CPEB3: variants seen among roughly 807,000 people sequenced by gnomAD.
The protein encoded by CPEB3 is cytoplasmic polyadenylation element-binding protein 3.
CPEB3 carries 20 observed loss-of-function variants against 67.2 expected under a neutral mutation model. The observed-to-expected ratio is 0.30, with a 90% confidence interval of 0.21 to 0.43. CPEB3 has a LOEUF of 0.43. Ranked by LOEUF, CPEB3 falls within the 20% of genes least tolerant of loss-of-function variation. CPEB3 has a pLI of 1.00. For synonymous variants in CPEB3, 376 were observed against 393.1 expected (o/e 0.96, Z 0.51); for missense variants, 746 against 968.6 (o/e 0.77, Z 3.05).
At chr10:92,127,333 G>A (rs1413522304) in intron 6 of CPEB3, among the ~76,000 whole-genome samples, 2 of 152,088 alleles carry the variant, frequency 1.3e-5, no homozygotes, top group Non-Finnish European at 2.9e-5. Context: ...AGAGGATACA[G>A]GGGCTAGACA....
chr10:92,281,285 C>T (rs1366627638), intron 1 of CPEB3, among the ~76,000 whole-genome samples: 1 of 151,270 alleles, frequency 6.6e-6, no homozygotes, highest in Non-Finnish European at 1.5e-5. Flanking sequence ...GGTAGAGACA[C>T]AATCTCTCTA....
intron 4 of CPEB3, among the ~76,000 whole-genome samples, chr10:92,168,782 C>G (rs911564567): frequency 1.9e-4 from 28 of 150,392 alleles, no homozygotes; most frequent in Non-Finnish European, 4.0e-4. Flanking sequence ...GTCAATTAAA[C>G]CTCTTGCCCT....
intron 6 of CPEB3, among the ~76,000 whole-genome samples, chr10:92,131,644 A>G (rs1220473582): frequency 6.6e-6 from 1 of 152,178 alleles, no homozygotes; most frequent in Non-Finnish European, 1.5e-5. Context: ...CATTTGACAC[A>G]ATAGAGGGAA....
chr10:92,157,826 C>T (rs1265299521), intron 4 of CPEB3, among the ~76,000 whole-genome samples: 28 of 151,960 alleles, frequency 1.8e-4, no homozygotes, highest in Admixed American at 1.8e-3. Flanking sequence ...ATAGTCTTTG[C>T]TATATCTTTT....
intron 2 of CPEB3, among the ~76,000 whole-genome samples, chr10:92,221,385 C>G (rs781601745): frequency 6.6e-6 from 1 of 152,058 alleles, no homozygotes; most frequent in Non-Finnish European, 1.5e-5. Context: ...CCCAGCTACT[C>G]GGGAGGCTGA....
chr10:92,266,103 G>C (rs981306049), intron 1 of CPEB3, among the ~76,000 whole-genome samples: 11 of 152,124 alleles, frequency 7.2e-5, no homozygotes, highest in African/African-American at 2.7e-4. Context: ...CCAGCAAGAA[G>C]GGCCTCAACA....
chr10:92,210,898 G>C (rs1404559515), intron 2 of CPEB3, among the ~76,000 whole-genome samples: 2 of 152,114 alleles, frequency 1.3e-5, no homozygotes, highest in East Asian at 3.9e-4. Flanking sequence ...TTAGCCAGGC[G>C]TGGTGGCACA....
intron 2 of CPEB3, among the ~76,000 whole-genome samples, chr10:92,194,834 G>T (rs944476178): frequency 6.6e-6 from 1 of 152,040 alleles, no homozygotes; most frequent in African/African-American, 2.4e-5. Context: ...GAGGTCAGGA[G>T]ATCGAGACCA....
intron 4 of CPEB3, among the ~76,000 whole-genome samples, chr10:92,170,631 AG>A (rs984865345): frequency 1.4e-4 from 22 of 152,184 alleles, no homozygotes; most frequent in African/African-American, 5.3e-4. Context: ...AAAAGAAGGA[AG>A]GAAAAAAAGA....
intron 3 of CPEB3, among the ~76,000 whole-genome samples, chr10:92,188,299 A>T (rs545959362): frequency 5.2e-4 from 79 of 150,662 alleles, no homozygotes; most frequent in African/African-American, 1.8e-3. Context: ...AAACGAAAAG[A>T]AAAGTATATG....
intron 6 of CPEB3, among the ~76,000 whole-genome samples, chr10:92,140,310 G>C (rs182779470): frequency 5.3e-4 from 81 of 152,156 alleles, no homozygotes; most frequent in African/African-American, 1.7e-3. Context: ...CAGAACAGAG[G>C]CCTCAGAAAT....
In CPEB3 at chr10:92,121,361, A is replaced by AT. The variant is rs1491104558; in HGVS notation, c.1454-10168_1454-10167insA. Reference sequence around the variant, plus strand: ...GAAATACACACACATATATATATATAAAATATATTTTATATATAATATATT... The same window carrying AT: ...GAAATACACACACATATATATATATATAAATATATTTTATATATAATATATT... On this transcript the variant is annotated intron_variant, in intron 6 of 9. Transcript: ENST00000265997. 1.9e-3 allele frequency among the ~76,000 whole-genome samples: 282 copies of AT among 145,874 alleles called. 1 individual carries two copies. Among genetic ancestry groups the AT allele is most frequent in the African/African-American group, 6.2e-3 (249 of 39,898 alleles).
intron 8 of CPEB3, among the ~76,000 whole-genome samples, chr10:92,084,248 T>C (rs1184580173): frequency 1.3e-5 from 2 of 152,068 alleles, no homozygotes; most frequent in Non-Finnish European, 2.9e-5. Flanking sequence ...ATCTATCTGC[T>C]TGAAATCATC....
At chr10:92,282,127 T>C (rs747638400) in intron 1 of CPEB3, among the ~76,000 whole-genome samples, 6 of 152,126 alleles carry the variant, frequency 3.9e-5, no homozygotes, top group Non-Finnish European at 7.3e-5. Context: ...CCCTCGACCA[T>C]TGCATGGCCC....
At position 92,068,960 on chromosome 10, in the gene CPEB3, C is replaced by T. The variant is rs192767010; in HGVS notation, c.1869+12360G>A. 5.3e-5 allele frequency among the ~76,000 whole-genome samples: 8 copies of T among 152,278 alleles called. No homozygotes were observed. In the East Asian group the frequency reaches 1.4e-3, roughly 26 times the overall value. ...GTCAAGTCAAACATAGCTATAGACA[C>T]AGCTAGGAAGCTTTCAAGCCAGGTC... On this transcript the variant is annotated intron_variant, in intron 9 of 9. Coordinates refer to ENST00000265997, the MANE Select transcript of CPEB3 (RefSeq NM_014912.5).
intron 3 of CPEB3, 60 bp from the exon 4 acceptor site, chr10:92,181,079 C>A: frequency 1.1e-6 from 1 of 881,076 alleles, no homozygotes; most frequent in Non-Finnish European, 1.8e-6. Context: ...TCAAACACAT[C>A]TTAAAATATA....
At chr10:92,151,398 C>T (rs1446846389) in intron 4 of CPEB3, among the ~76,000 whole-genome samples, 1 of 152,114 alleles carries the variant, frequency 6.6e-6, no homozygotes, top group East Asian at 1.9e-4. Flanking sequence ...GCATGACTCC[C>T]TCATAAAATA....
At position 92,061,383 on chromosome 10, in the gene CPEB3, C is replaced by T. The variant is rs1260017512; in HGVS notation, c.1870-8944G>A. On this transcript the variant is annotated intron_variant, in intron 9 of 9. Transcript: ENST00000265997. ...GCAGTGAGCCAAGATCGCGCCACTG[C>T]ACTCCAGCCTGGGTGAAAAGAGCGA... Among the ~76,000 whole-genome samples, 3 of 142,450 alleles carry T rather than the reference C, an allele frequency of 2.1e-5. No homozygotes were observed. The East Asian group carries it at 6.3e-4, about 30-fold the overall frequency. The allele number at this position is 142,450 out of a possible 152,430, so 93.5% of individuals were successfully genotyped here. A position where few individuals can be genotyped will look rare whatever the true frequency, so the allele number is the denominator to read the frequency against.
intron 9 of CPEB3, among the ~76,000 whole-genome samples, chr10:92,078,347 AT>A (rs1843012269): frequency 6.6e-6 from 1 of 152,190 alleles, no homozygotes. Flanking sequence ...TATTAAGTAC[AT>A]TTGTAGCAAG....
Sources: gnomAD v4.1 joint callset for allele counts (sites outside exome capture counted in the v4.1 genomes callset) on GRCh38, gnomAD v4.1.1 for gene constraint, MANE v1.5 for transcripts, NCBI Gene and HGNC (gene_info 2026-07-23, HGNC 2026-07-21) for gene names.